Variants in SYN3 observed in about 807,000 individuals in gnomAD.
The protein encoded by SYN3 is synapsin-3.
SYN3 carries 35 observed loss-of-function variants against 65.8 expected under a neutral mutation model. The ratio of observed to expected loss-of-function variants is 0.53; its 90% CI spans 0.41 to 0.70. The LOEUF (loss-of-function observed/expected upper bound fraction) is 0.70. Among genes scored for constraint, SYN3 ranks in the 30% least tolerant of loss-of-function variants. The pLI, the probability that SYN3 is intolerant of heterozygous loss-of-function variation, is 0.00. For synonymous variants in SYN3, 270 were observed against 292.9 expected (o/e 0.92, Z 0.80); for missense variants, 680 against 749.0 (o/e 0.91, Z 1.08).
chr22:32,735,809 C>T (rs2061330635), intron 6 of SYN3, among the ~76,000 whole-genome samples: 1 of 152,222 alleles, frequency 6.6e-6, no homozygotes, highest in African/African-American at 2.4e-5. Context: ...GGCTCCCACT[C>T]ATGTCTGGGA....
intron 4 of SYN3, among the ~76,000 whole-genome samples, chr22:32,920,561 A>C (rs935778486): frequency 6.6e-6 from 1 of 152,236 alleles, no homozygotes; most frequent in African/African-American, 2.4e-5. Context: ...TGCTGCAAAT[A>C]CTGGTGATTT....
chr22:32,993,832 A>C (rs1415949107), intron 2 of SYN3, among the ~76,000 whole-genome samples: 1 of 152,182 alleles, frequency 6.6e-6, no homozygotes, highest in Non-Finnish European at 1.5e-5. Flanking sequence ...TCAAGACCCC[A>C]CAGCATCTGC....
At chr22:32,856,799 A>C (rs1434936281) in intron 6 of SYN3, among the ~76,000 whole-genome samples, 2 of 152,164 alleles carry the variant, frequency 1.3e-5, no homozygotes, top group African/African-American at 4.8e-5. Context: ...CATTAATTAT[A>C]TCTCTTTGCC....
intron 10 of SYN3, among the ~76,000 whole-genome samples, chr22:32,532,269 C>A (rs1601579573): frequency 6.6e-6 from 1 of 152,296 alleles, no homozygotes. Flanking sequence ...TGAGGGGATG[C>A]AGAGGCAGGA....
chr22:32,630,025 C>A (rs1217353578), intron 6 of SYN3, among the ~76,000 whole-genome samples: 1 of 148,110 alleles, frequency 6.8e-6, no homozygotes, highest in Non-Finnish European at 1.5e-5. Flanking sequence ...CGCTCTGTTG[C>A]CAGGCTAGAG....
At chr22:32,569,302 C>CTAT (rs1569047513) in intron 7 of SYN3, among the ~76,000 whole-genome samples, 5 of 61,204 alleles carry the variant, frequency 8.2e-5, no homozygotes, top group South Asian at 6.5e-4. Context: ...TATCTATCTA[C>CTAT]ACCTATCTAT....
intron 6 of SYN3, among the ~76,000 whole-genome samples, chr22:32,734,198 G>A (rs543703024): frequency 1.3e-5 from 2 of 152,208 alleles, no homozygotes; most frequent in African/African-American, 2.4e-5. Context: ...GGGAGCAATC[G>A]GAAAACTTCC....
intron 6 of SYN3, among the ~76,000 whole-genome samples, chr22:32,700,206 GAC>G (rs2060792665): frequency 6.6e-6 from 1 of 152,160 alleles, no homozygotes; most frequent in Admixed American, 6.5e-5. Context: ...TGACTATGGA[GAC>G]TATAAGAGTC....
intron 6 of SYN3, among the ~76,000 whole-genome samples, chr22:32,707,078 G>T (rs2060890618): frequency 6.6e-6 from 1 of 152,072 alleles, no homozygotes; most frequent in Non-Finnish European, 1.5e-5. Flanking sequence ...TTCAGTATCT[G>T]TTGAATTTTT....
chr22:32,751,578 A>G (rs2045127610), intron 6 of SYN3, among the ~76,000 whole-genome samples: 1 of 152,186 alleles, frequency 6.6e-6, no homozygotes, highest in Non-Finnish European at 1.5e-5. Flanking sequence ...ACTGGCCTAT[A>G]GGCAGTTTCT....
intron 11 of SYN3, 122 bp downstream of exon 11, chr22:32,528,752 T>C: frequency 1.4e-6 from 2 of 1,393,328 alleles, no homozygotes; most frequent in African/African-American, 1.4e-5. Context: ...CACACCCCCA[T>C]TCCTTCTCCC....
chr22:32,974,823 A>G (rs1836866096), intron 3 of SYN3, among the ~76,000 whole-genome samples: 1 of 152,218 alleles, frequency 6.6e-6, no homozygotes, highest in Non-Finnish European at 1.5e-5. Context: ...TCAGCATATT[A>G]CATTAACTCA....
intron 2 of SYN3, among the ~76,000 whole-genome samples, chr22:33,003,432 T>C (rs1601884069): frequency 6.6e-6 from 1 of 152,144 alleles, no homozygotes; most frequent in Non-Finnish European, 1.5e-5. Context: ...TGACCAAAAT[T>C]CTGATGGTGA....
At position 32,513,768 on chromosome 22, in the gene SYN3, G is replaced by T. The variant is rs774545897; in HGVS notation, c.1667C>A (p.Thr556Asn). 12 of 1,614,084 alleles carry T rather than the reference G, an allele frequency of 7.4e-6. No individual in the cohort carries two copies. The African/African-American group carries it at 1.3e-4, about 18-fold the overall frequency. The stretch of plus-strand genomic sequence containing the variant: ...AGCCTTGGCCTCGTCTTCACTTGGG[G>T]TCCCACGCTGGGAGGTGTCGGATGT... ...LSTSDTSQRG[T>N]PSEDEAKAET... The change falls in exon 14 of 14, where the codon ACC (threonine) becomes AAC (asparagine). Residue 556 changes from threonine (T) to asparagine (N), a missense_variant. Physicochemically the swap from Thr to Asn is moderately conservative, Grantham distance 65. Coordinates refer to ENST00000358763, the MANE Select transcript of SYN3 (RefSeq NM_003490.4).
intron 6 of SYN3, 34 bp from the exon 7 acceptor site, chr22:32,596,770 C>G: frequency 6.2e-7 from 1 of 1,607,592 alleles, no homozygotes; most frequent in African/African-American, 1.3e-5. Flanking sequence ...CTCTTAACAT[C>G]TCAGAGCATT....
intron 7 of SYN3, among the ~76,000 whole-genome samples, chr22:32,571,738 C>G (rs985581020): frequency 1.3e-5 from 2 of 152,180 alleles, no homozygotes; most frequent in Non-Finnish European, 2.9e-5. Flanking sequence ...TTCCTAAGAA[C>G]AGCAACTGCA....
At chr22:32,532,478 C>T (rs1429029585) in intron 10 of SYN3, among the ~76,000 whole-genome samples, 3 of 152,304 alleles carry the variant, frequency 2.0e-5, no homozygotes, top group South Asian at 2.1e-4. Context: ...AGAGGGAAGG[C>T]GTTTCCGGGC....
At chr22:32,531,981 C>T (rs1253010335) in intron 10 of SYN3, among the ~76,000 whole-genome samples, 1 of 151,616 alleles carries the variant, frequency 6.6e-6, no homozygotes, top group African/African-American at 2.4e-5. Context: ...GAAGCCTGAG[C>T]CCATGAACAC....
Position 32,987,583 on chromosome 22 carries a change from G to C in SYN3, c.312-6881C>G, listed in dbSNP as rs138028229. Among the ~76,000 whole-genome samples, 8 of 152,302 alleles carry C rather than the reference G, an allele frequency of 5.3e-5. No homozygotes were observed. The East Asian group carries it at 1.5e-3, about 29-fold the overall frequency. ...ACTAGGAAGGGAAGGAATGCACTAA[G>C]AGTGATGAGACTCCCTATGCCTGTA... On this transcript the variant is annotated intron_variant, in intron 2 of 13. Coordinates refer to ENST00000358763, the MANE Select transcript of SYN3 (RefSeq NM_003490.4).
Sources: allele counts gnomAD v4.1 joint callset (sites outside exome capture counted in the v4.1 genomes callset), GRCh38; gene constraint gnomAD v4.1.1; transcripts MANE v1.5; gene names NCBI Gene and HGNC (gene_info 2026-07-23, HGNC 2026-07-21).